CTNND2: variants seen among roughly 807,000 people sequenced by gnomAD.
CTNND2 encodes the protein catenin delta 2.
Under a neutral mutation model 144.4 loss-of-function variants are expected in CTNND2, and 22 were observed. The ratio of observed to expected loss-of-function variants is 0.15; its 90% CI spans 0.11 to 0.22. The LOEUF (loss-of-function observed/expected upper bound fraction) is 0.22. Among genes scored for constraint, CTNND2 ranks in the 10% least tolerant of loss-of-function variants. The pLI, the probability that CTNND2 is intolerant of heterozygous loss-of-function variation, is 1.00. For synonymous variants in CTNND2, 751 were observed against 695.6 expected, an observed-to-expected ratio of 1.08 and a Z score of -1.25; for missense variants, 1,353 against 1,618.8, an observed-to-expected ratio of 0.84 and a Z score of 2.82.
intron 11 of CTNND2, among the ~76,000 whole-genome samples, chr5:11,181,406 C>T (rs1315398758): frequency 6.6e-6 from 1 of 152,068 alleles, no homozygotes; most frequent in Non-Finnish European, 1.5e-5. Context: ...GCCACTTTGC[C>T]CGGGAAGCAG....
At chr5:11,237,782 A>T (rs2149898431) in intron 9 of CTNND2, among the ~76,000 whole-genome samples, 1 of 152,364 alleles carries the variant, frequency 6.6e-6, no homozygotes, top group Non-Finnish European at 1.5e-5. Flanking sequence ...GATGAGTCCA[A>T]TCCAAAATGT....
At chr5:11,095,768 T>A (rs971587099) in intron 15 of CTNND2, among the ~76,000 whole-genome samples, 2 of 152,244 alleles carry the variant, frequency 1.3e-5, no homozygotes, top group Admixed American at 1.3e-4. Context: ...ATGTCTTTTT[T>A]ATCTGTCCGC....
At chr5:11,191,120 A>T (rs918485949) in intron 11 of CTNND2, among the ~76,000 whole-genome samples, 13 of 152,214 alleles carry the variant, frequency 8.5e-5, no homozygotes, top group Non-Finnish European at 1.5e-5. Context: ...AGGAGCAAGC[A>T]GAGACAGTGG....
chr5:11,006,361 C>A (rs1301746312), intron 18 of CTNND2, among the ~76,000 whole-genome samples: 4 of 152,188 alleles, frequency 2.6e-5, no homozygotes, highest in Admixed American at 6.5e-5. Context: ...GGAGATCTAG[C>A]CAATGGAGGT....
chr5:11,129,582 C>T (rs533495100), intron 12 of CTNND2, among the ~76,000 whole-genome samples: 1 of 151,644 alleles, frequency 6.6e-6, no homozygotes, highest in Non-Finnish European at 1.5e-5. Flanking sequence ...TTGCAGCCAT[C>T]AGCTTGGTCC....
intron 21 of CTNND2, among the ~76,000 whole-genome samples, chr5:10,977,913 C>T (rs187621166): frequency 5.3e-5 from 8 of 152,354 alleles, no homozygotes; most frequent in South Asian, 2.1e-4. Context: ...GCAGCACCCA[C>T]GTGTGGCCAT....
chr5:11,250,552 C>G (rs1367655144), intron 9 of CTNND2, among the ~76,000 whole-genome samples: 2 of 127,148 alleles, frequency 1.6e-5, no homozygotes, highest in African/African-American at 6.0e-5. Flanking sequence ...GGGTCTTGCT[C>G]TGTTGCCTAG....
At chr5:11,528,929 C>T (rs986307757) in intron 3 of CTNND2, among the ~76,000 whole-genome samples, 29 of 152,184 alleles carry the variant, frequency 1.9e-4, no homozygotes, top group Non-Finnish European at 1.9e-4. Context: ...TTCATGTTGT[C>T]GGCTTCAAGA....
At chr5:11,312,344 G>A (rs1457342867) in intron 9 of CTNND2, among the ~76,000 whole-genome samples, 1 of 151,902 alleles carries the variant, frequency 6.6e-6, no homozygotes, top group Non-Finnish European at 1.5e-5. Flanking sequence ...CCAAGACTGG[G>A]AAGAAAAAGG....
At chr5:11,646,714 A>G (rs1436259800) in intron 2 of CTNND2, among the ~76,000 whole-genome samples, 6 of 152,212 alleles carry the variant, frequency 3.9e-5, no homozygotes, top group Non-Finnish European at 7.3e-5. Context: ...GCTAAGGCAG[A>G]AGCTTTTCTT....
At chr5:11,351,728 GA>G (rs1196260637) in intron 8 of CTNND2, among the ~76,000 whole-genome samples, 1 of 151,838 alleles carries the variant, frequency 6.6e-6, no homozygotes, top group Non-Finnish European at 1.5e-5. Flanking sequence ...TAAAGAGGAA[GA>G]AAAAAAGCAC....
At chr5:11,166,742 T>G (rs1759375559) in intron 11 of CTNND2, among the ~76,000 whole-genome samples, 1 of 152,034 alleles carries the variant, frequency 6.6e-6, no homozygotes, top group Non-Finnish European at 1.5e-5. Flanking sequence ...TATACTATTG[T>G]GTGTGTGCAT....
chr5:11,245,935 T>C (rs573276818), intron 9 of CTNND2, among the ~76,000 whole-genome samples: 79 of 152,290 alleles, frequency 5.2e-4, no homozygotes, highest in Admixed American at 4.2e-3. Context: ...CCACCTCTCG[T>C]TCATCTAAGA....
chr5:11,445,212 T>A (rs1235158035), intron 3 of CTNND2, among the ~76,000 whole-genome samples: 1 of 152,170 alleles, frequency 6.6e-6, no homozygotes, highest in Admixed American at 6.5e-5. Flanking sequence ...GGCTTACAGA[T>A]GCATCACTTC....
Position 11,384,531 on chromosome 5 carries a change from G to C in CTNND2, c.1177+134C>G. 1 of 755,684 alleles carries C rather than the reference G, an allele frequency of 1.3e-6. No individual in the cohort carries two copies. Among genetic ancestry groups the C allele is most frequent in the South Asian group, 1.9e-5 (1 of 53,372 alleles). The allele number at this position is 755,684 out of a possible 1,614,324, so 46.8% of individuals were successfully genotyped here. ...TGACTTGTTCCAGGAAAGCCCTGGCGTTCTCTGTCTCCTGCAACTACTACA... is the reference window on the plus strand; with the variant it reads ...TGACTTGTTCCAGGAAAGCCCTGGCCTTCTCTGTCTCCTGCAACTACTACA... On this transcript the variant is annotated intron_variant, in intron 7 of 21. Coordinates refer to ENST00000304623, the MANE Select transcript of CTNND2 (RefSeq NM_001332.4). The surrounding 1 kb of genome is among the most constrained non-coding windows in gnomAD (Gnocchi z 5.2).
chr5:11,795,779 G>A (rs1313772187), intron 1 of CTNND2, among the ~76,000 whole-genome samples: 2 of 152,216 alleles, frequency 1.3e-5, no homozygotes, highest in African/African-American at 4.8e-5. Context: ...TGACTCTTCT[G>A]TCTTACTCAG....
intron 12 of CTNND2, among the ~76,000 whole-genome samples, chr5:11,120,644 A>T (rs1333403156): frequency 1.5e-5 from 1 of 66,638 alleles, no homozygotes; most frequent in Non-Finnish European, 3.2e-5. Flanking sequence ...GTTTACATAT[A>T]GACTTCAAGA....
At chr5:11,609,395 CA>C (rs1392012973) in intron 2 of CTNND2, among the ~76,000 whole-genome samples, 1 of 151,998 alleles carries the variant, frequency 6.6e-6, no homozygotes, top group Non-Finnish European at 1.5e-5. Context: ...TTCTAGTGAA[CA>C]CAGAAAATGT....
At chr5:11,618,751 GATT>G (rs1393191403) in intron 2 of CTNND2, among the ~76,000 whole-genome samples, 1 of 151,974 alleles carries the variant, frequency 6.6e-6, no homozygotes, top group African/African-American at 2.4e-5. Context: ...AAACACTTAT[GATT>G]ATTACCCAAT....
Sources: gnomAD v4.1 joint callset for allele counts (sites outside exome capture counted in the v4.1 genomes callset) on GRCh38, gnomAD v4.1.1 for gene constraint, Gnocchi (gnomAD v3.1) non-coding constraint, MANE v1.5 for transcripts, NCBI Gene and HGNC (gene_info 2026-07-23, HGNC 2026-07-21) for gene names.